Variants in NPAS2 observed in about 807,000 individuals in gnomAD.
NPAS2 encodes the protein neuronal PAS domain-containing protein 2.
In NPAS2, 23 loss-of-function variants were observed where a neutral mutation model predicts 107.5. That is an observed-to-expected ratio of 0.21 (90% confidence interval 0.15 to 0.30). The LOEUF (loss-of-function observed/expected upper bound fraction) is 0.30. Among genes scored for constraint, NPAS2 ranks in the 10% least tolerant of loss-of-function variants. The probability of loss-of-function intolerance (pLI) is 1.00; values close to 1 mark genes in which losing one functional copy is unlikely to be tolerated. For missense variants in NPAS2, 756 were observed against 1,043.3 expected (o/e 0.72, Z 3.79); for synonymous variants, 403 against 417.5 (o/e 0.97, Z 0.42).
intron 1 of NPAS2, 78 bp from the exon 2 acceptor site, chr2:100,904,655 C>T: frequency 9.1e-7 from 1 of 1,102,042 alleles, no homozygotes; most frequent in South Asian, 1.5e-5. Flanking sequence ...ATGACAACAA[C>T]CTGAAAGACT....
At chr2:100,937,048 A>C (rs917620958) in intron 4 of NPAS2, among the ~76,000 whole-genome samples, 3 of 151,866 alleles carry the variant, frequency 2.0e-5, no homozygotes, top group African/African-American at 7.3e-5. Context: ...GCCCACCTTC[A>C]ACCTATTATA....
chr2:100,839,276 C>G (rs1305412626), intron 1 of NPAS2, among the ~76,000 whole-genome samples: 1 of 152,164 alleles, frequency 6.6e-6, no homozygotes, highest in Non-Finnish European at 1.5e-5. Flanking sequence ...CTACAGGTAC[C>G]TACCACCATA....
In NPAS2 at chr2:100,995,508, C is replaced by T. The variant is rs1235235763; in HGVS notation, c.2401C>T (p.Pro801Ser). 3 of 1,613,790 alleles carry T rather than the reference C, an allele frequency of 1.9e-6. No individual in the cohort carries two copies. The highest frequency in any genetic ancestry group is 2.5e-6 in the Non-Finnish European group (3 of 1,179,950). Reference sequence around the variant, plus strand: ...CTACCCCCAACCACCCCCAGCACAGCCCCAGCCCCTACGTCCTCCCCGAAG... The same window carrying T: ...CTACCCCCAACCACCCCCAGCACAGTCCCAGCCCCTACGTCCTCCCCGAAG... ...LGYPQPPPAQPQPLRPPRRVS... is the reference protein window; with the variant it reads ...LGYPQPPPAQSQPLRPPRRVS... Residue 801 changes from proline (P) to serine (S), a missense_variant, in exon 21 of 21, where the codon CCC (proline) becomes TCC (serine). Coordinates refer to ENST00000335681, the MANE Select transcript of NPAS2 (RefSeq NM_002518.4).
At chr2:100,910,358 G>A (rs998914920) in intron 2 of NPAS2, among the ~76,000 whole-genome samples, 1 of 152,022 alleles carries the variant, frequency 6.6e-6, no homozygotes, top group African/African-American at 2.4e-5. Flanking sequence ...GAGTAAAGCT[G>A]TTCTGTTGCT....
chr2:100,885,848 A>G (rs1189636449), intron 1 of NPAS2, among the ~76,000 whole-genome samples: 2 of 152,084 alleles, frequency 1.3e-5, no homozygotes, highest in Non-Finnish European at 2.9e-5. Context: ...TTTTTAGTAG[A>G]GACAGCCTAG....
chr2:100,844,039 G>A (rs892530750), intron 1 of NPAS2, among the ~76,000 whole-genome samples: 1 of 152,190 alleles, frequency 6.6e-6, no homozygotes, highest in African/African-American at 2.4e-5. Context: ...TGATAGGGCC[G>A]GGCTGCCCAT....
At chr2:100,843,629 A>G (rs1398239165) in intron 1 of NPAS2, among the ~76,000 whole-genome samples, 1 of 152,202 alleles carries the variant, frequency 6.6e-6, no homozygotes, top group East Asian at 1.9e-4. Context: ...GTTATTTAAC[A>G]CTTATGTTAA....
intron 1 of NPAS2, among the ~76,000 whole-genome samples, chr2:100,832,962 C>T (rs949709262): frequency 2.0e-5 from 3 of 152,160 alleles, no homozygotes; most frequent in African/African-American, 2.4e-5. Context: ...TGGTATCATT[C>T]GGATGTGCTT....
chr2:100,978,614 T>G (rs1054715235), intron 15 of NPAS2, among the ~76,000 whole-genome samples: 2 of 152,240 alleles, frequency 1.3e-5, no homozygotes, highest in Non-Finnish European at 2.9e-5. Flanking sequence ...TTCGGTGAGT[T>G]ACTATTTGGG....
At chr2:100,949,530 C>T (rs747652213) in intron 7 of NPAS2, 50 bp downstream of exon 7, 16 of 1,068,244 alleles carry the variant, frequency 1.5e-5, no homozygotes, top group East Asian at 9.5e-5. Flanking sequence ...CTCATGCAAA[C>T]GTGCACATGG....
chr2:100,971,465 G>C (rs972830258), intron 12 of NPAS2, among the ~76,000 whole-genome samples: 1 of 152,114 alleles, frequency 6.6e-6, no homozygotes, highest in Non-Finnish European at 1.5e-5. Context: ...CCCCGGCTGG[G>C]TTGTGGAGGA....
rs1056041572 is a variant in NPAS2 at position 100,892,106 on chromosome 2, C to T, written c.-22-12627C>T. 5.3e-5 allele frequency among the ~76,000 whole-genome samples: 8 copies of T among 152,254 alleles called. 1 individual carries two copies. In the South Asian group the frequency reaches 1.5e-3, roughly 28 times the overall value. ...TGACTCAGGTTTACACTGTGCCATCCGAACTCTTGATAGAGAGTCCCCCTA... is the reference window on the plus strand; with the variant it reads ...TGACTCAGGTTTACACTGTGCCATCTGAACTCTTGATAGAGAGTCCCCCTA... On this transcript the variant is annotated intron_variant, in intron 1 of 20. Transcript: ENST00000335681.
chr2:100,822,403 A>G (rs1440332144), intron 1 of NPAS2, among the ~76,000 whole-genome samples: 1 of 152,226 alleles, frequency 6.6e-6, no homozygotes, highest in Non-Finnish European at 1.5e-5. Context: ...TGGCTGTTTA[A>G]TAATGCAAAT....
intron 20 of NPAS2, chr2:100,995,032 C>A: frequency 4.3e-6 from 1 of 233,820 alleles, no homozygotes; most frequent in Non-Finnish European, 8.2e-6. Context: ...TGGATTCTGC[C>A]CTGTCAACTA....
At chr2:100,937,203 A>T (rs1474121865) in intron 4 of NPAS2, among the ~76,000 whole-genome samples, 1 of 152,182 alleles carries the variant, frequency 6.6e-6, no homozygotes, top group Non-Finnish European at 1.5e-5. Flanking sequence ...CTGTAGAGTA[A>T]TGTGAATGTT....
intron 1 of NPAS2, among the ~76,000 whole-genome samples, chr2:100,888,398 G>A (rs1680845740): frequency 6.6e-6 from 1 of 152,068 alleles, no homozygotes; most frequent in Admixed American, 6.6e-5. Flanking sequence ...AGGAAGATGC[G>A]CTAGTAGGGT....
chr2:100,879,265 C>G (rs543193582), intron 1 of NPAS2, among the ~76,000 whole-genome samples: 2 of 152,140 alleles, frequency 1.3e-5, no homozygotes, highest in East Asian at 1.9e-4. Flanking sequence ...CAACGTATTA[C>G]GGGATATGTA....
Position 100,990,323 on chromosome 2 carries a change from C to A in NPAS2, c.1895C>A (p.Ser632Tyr). The change falls in exon 18 of 21, where the codon TCC becomes TAC. Residue 632 changes from serine to tyrosine, a missense_variant. By Grantham distance (144) the Ser-to-Tyr change is moderately radical (BLOSUM62 -2). This residue lies in a region of NPAS2 where 496 missense variants were observed against 594.4 expected (regional missense o/e 0.83). Transcript: ENST00000335681. ...SSGRSGSSLVSPFSSATAALP... is the reference protein window; with the variant it reads ...SSGRSGSSLVYPFSSATAALP... ...GGCCGCTCTGGAAGCAGCCTAGTGT[C>A]CCCGTTCAGCAGCGCCACAGCTGCG... The A allele has an allele frequency of 6.2e-7, 1 of 1,614,166 alleles. No individual in the cohort carries two copies. The highest frequency in any genetic ancestry group is 8.5e-7 in the Non-Finnish European group (1 of 1,180,020).
chr2:100,857,614 G>A (rs957378957), intron 1 of NPAS2, among the ~76,000 whole-genome samples: 5 of 152,194 alleles, frequency 3.3e-5, no homozygotes, highest in East Asian at 1.9e-4. Flanking sequence ...GGTTCTAATC[G>A]TGAAAGGCCA....
Sources: allele counts gnomAD v4.1 joint callset (sites outside exome capture counted in the v4.1 genomes callset), GRCh38; gene constraint gnomAD v4.1.1; regional missense constraint gnomAD v4.1.1; transcripts MANE v1.5; gene names NCBI Gene and HGNC (gene_info 2026-07-23, HGNC 2026-07-21).